SHISA6: variants seen among roughly 807,000 people sequenced by gnomAD.
SHISA6 encodes shisa family member 6.
In SHISA6, 22 loss-of-function variants were observed where a neutral mutation model predicts 47.9. The ratio of observed to expected loss-of-function variants is 0.46; its 90% CI spans 0.33 to 0.66. The LOEUF (loss-of-function observed/expected upper bound fraction) is 0.66. SHISA6 is among the 30% of genes least tolerant of loss of function. The pLI is 0.02. For missense variants in SHISA6, 680 were observed against 764.6 expected (o/e 0.89, Z 1.30); for synonymous variants, 388 against 337.8 (o/e 1.15, Z -1.63).
At chr17:11,395,652 G>A (rs1234150510) in intron 3 of SHISA6, among the ~76,000 whole-genome samples, 1 of 151,308 alleles carries the variant, frequency 6.6e-6, no homozygotes, top group African/African-American at 2.4e-5. Flanking sequence ...CAAGTAGCTG[G>A]GATTACAGGC....
intron 2 of SHISA6, among the ~76,000 whole-genome samples, chr17:11,304,369 C>T (rs1910033017): frequency 6.6e-6 from 1 of 152,180 alleles, no homozygotes; most frequent in African/African-American, 2.4e-5. Flanking sequence ...ACCTTTTCCT[C>T]CTACAGCTTT....
At chr17:11,445,119 T>C (rs1011701354) in intron 3 of SHISA6, among the ~76,000 whole-genome samples, 4 of 152,040 alleles carry the variant, frequency 2.6e-5, no homozygotes, top group African/African-American at 9.7e-5. Context: ...GGAAAGCATC[T>C]CAAGATCAGG....
intron 3 of SHISA6, among the ~76,000 whole-genome samples, chr17:11,420,694 G>A (rs373788704): frequency 2.0e-4 from 30 of 152,276 alleles, no homozygotes; most frequent in East Asian, 9.7e-4. Flanking sequence ...CTTTGTCACC[G>A]CCACTGGCCC....
At chr17:11,302,260 T>C (rs1597447688) in intron 2 of SHISA6, among the ~76,000 whole-genome samples, 2 of 152,274 alleles carry the variant, frequency 1.3e-5, no homozygotes, top group East Asian at 3.9e-4. Context: ...TTTGTCAGGC[T>C]CAGTTTCCTG....
intron 3 of SHISA6, among the ~76,000 whole-genome samples, chr17:11,445,565 T>C (rs182268772): frequency 6.6e-6 from 1 of 152,358 alleles, no homozygotes. Flanking sequence ...CTGTAGGCCA[T>C]GAGACAATTA....
intron 3 of SHISA6, among the ~76,000 whole-genome samples, chr17:11,448,399 C>T (rs2142303175): frequency 6.7e-6 from 1 of 148,334 alleles, no homozygotes; most frequent in East Asian, 2.0e-4. Flanking sequence ...GTGGTGGTGG[C>T]ATGCATGCCT....
At chr17:11,357,857 A>G (rs1342694028) in intron 2 of SHISA6, among the ~76,000 whole-genome samples, 1 of 152,222 alleles carries the variant, frequency 6.6e-6, no homozygotes, top group East Asian at 1.9e-4. Context: ...GAAGACTCTT[A>G]GTATATATCA....
At chr17:11,402,565 T>A (rs1262999828) in intron 3 of SHISA6, among the ~76,000 whole-genome samples, 1 of 152,220 alleles carries the variant, frequency 6.6e-6, no homozygotes, top group African/African-American at 2.4e-5. Flanking sequence ...AATCTAACTA[T>A]TAACCTTCTC....
intron 3 of SHISA6, among the ~76,000 whole-genome samples, chr17:11,496,826 A>C (rs1245143995): frequency 2.6e-5 from 4 of 152,144 alleles, no homozygotes; most frequent in African/African-American, 4.8e-5. Context: ...GGCAAACTGG[A>C]AAGCACGGCC....
intron 3 of SHISA6, among the ~76,000 whole-genome samples, chr17:11,519,109 G>A (rs947912658): frequency 2.0e-5 from 3 of 152,158 alleles, no homozygotes; most frequent in African/African-American, 7.2e-5. Flanking sequence ...TTTCTGCTCA[G>A]ACTTTGCCTC....
At chr17:11,379,060 T>C (rs1912915664) in intron 2 of SHISA6, among the ~76,000 whole-genome samples, 1 of 151,176 alleles carries the variant, frequency 6.6e-6, no homozygotes, top group Non-Finnish European at 1.5e-5. Context: ...AATGTAATGT[T>C]CCCAGGACTT....
chr17:11,285,373 TG>T (rs1287961928), intron 2 of SHISA6, among the ~76,000 whole-genome samples: 2 of 152,108 alleles, frequency 1.3e-5, no homozygotes, highest in African/African-American at 2.4e-5. Context: ...TTGTTGCAAA[TG>T]ATACATCTGG....
intron 3 of SHISA6, among the ~76,000 whole-genome samples, chr17:11,497,788 C>A (rs577889173): frequency 6.6e-6 from 1 of 152,216 alleles, no homozygotes; most frequent in East Asian, 1.9e-4. Flanking sequence ...CTGTCTCTCG[C>A]ATCCTACGAC....
At position 11,241,477 on chromosome 17, in the gene SHISA6, C is replaced by T. The variant is rs997643478; in HGVS notation, c.55C>T (p.Leu19=). 7.6e-6 allele frequency: 9 copies of T among 1,191,878 alleles called. No homozygotes were observed. In the African/African-American group the frequency reaches 1.3e-4, roughly 17 times the overall value. 73.8% of individuals were successfully genotyped at this position (1,191,878 alleles called of 1,614,324 possible). A position where few individuals can be genotyped will look rare whatever the true frequency, so the allele number is the denominator to read the frequency against. Residue 19 remains leucine (L), a synonymous_variant, in exon 1 of 6, where the codon CTG becomes TTG. Coordinates refer to ENST00000441885, the MANE Select transcript of SHISA6 (RefSeq NM_207386.4). The surrounding 1 kb of genome is among the most constrained non-coding windows in gnomAD (Gnocchi z 5.5). Reference sequence around the variant, plus strand: ...GCTGCTCTCGCTGGAGTCCCTGGACCTGCTGCCCAGCGTCCACGGAGCCCG... The same window carrying T: ...GCTGCTCTCGCTGGAGTCCCTGGACTTGCTGCCCAGCGTCCACGGAGCCCG... The part of the protein sequence containing the change: ...LLLLSLESLD[L]LPSVHGARGR...
chr17:11,259,992 C>G (rs1340426064), intron 1 of SHISA6, among the ~76,000 whole-genome samples: 1 of 152,174 alleles, frequency 6.6e-6, no homozygotes, highest in Non-Finnish European at 1.5e-5. Context: ...GCAAAGGTCA[C>G]AGGGATAGGA....
intron 3 of SHISA6, among the ~76,000 whole-genome samples, chr17:11,499,683 C>CTTTTTTTTTTTTTTTT (rs372464937): frequency 3.5e-4 from 45 of 127,500 alleles, no homozygotes; most frequent in Non-Finnish European, 4.6e-4. Flanking sequence ...CTTTTTCTTT[C>CTTTTTTTTTTTTTTTT]TTTTTTTTTT....
Position 11,251,190 on chromosome 17 carries a change from C to A in SHISA6, c.638+9130C>A, listed in dbSNP as rs115366333. On this transcript the variant is annotated intron_variant, in intron 1 of 5. Coordinates refer to ENST00000441885, the MANE Select transcript of SHISA6 (RefSeq NM_207386.4). ...GATTACTTAAGAAAGCAAAGACCTA[C>A]CTTCCCATGCCCTGGGACTGGTTAT... is the stretch of plus-strand genomic sequence containing the variant. Among the ~76,000 whole-genome samples the A allele has an allele frequency of 9.8e-3, 1,494 of 152,160 alleles. 21 individuals carry two copies. The highest frequency in any genetic ancestry group is 0.034 in the African/African-American group (1,404 of 41,496).
At chr17:11,369,630 T>A (rs988693603) in intron 2 of SHISA6, among the ~76,000 whole-genome samples, 1 of 152,324 alleles carries the variant, frequency 6.6e-6, no homozygotes, top group Non-Finnish European at 1.5e-5. Flanking sequence ...ACCTGTATTC[T>A]CATAAGACGC....
At chr17:11,320,659 CAAAA>C (rs112649016) in intron 2 of SHISA6, among the ~76,000 whole-genome samples, 1 of 79,468 alleles carries the variant, frequency 1.3e-5, no homozygotes, top group Non-Finnish European at 3.4e-5. Flanking sequence ...ACTCCATCAC[CAAAA>C]AAAAAAAGAG....
Sources: gnomAD v4.1 joint callset for allele counts (sites outside exome capture counted in the v4.1 genomes callset) on GRCh38, gnomAD v4.1.1 for gene constraint, Gnocchi (gnomAD v3.1) non-coding constraint, MANE v1.5 for transcripts, NCBI Gene and HGNC (gene_info 2026-07-23, HGNC 2026-07-21) for gene names.